The following ANKRD13A variants were observed in gnomAD, a reference collection of about 807,000 sequenced individuals.
The protein encoded by ANKRD13A is ankyrin repeat domain 13A.
A neutral mutation model predicts 81.3 loss-of-function variants in ANKRD13A; 48 were observed. That is an observed-to-expected ratio of 0.59 (90% CI 0.47 to 0.75). The LOEUF (loss-of-function observed/expected upper bound fraction) is 0.75. ANKRD13A is among the 30% of genes least tolerant of loss of function. The pLI is 0.00. For missense variants in ANKRD13A, 612 were observed against 734.0 expected, an observed-to-expected ratio of 0.83 and a Z score of 1.92; for synonymous variants, 230 against 270.1, an observed-to-expected ratio of 0.85 and a Z score of 1.45.
chr12:110,018,313 G>T lies in ANKRD13A; in HGVS notation c.401-32G>T. 6.2e-7 allele frequency: 1 copy of T among 1,602,798 alleles called. No individual in the cohort carries two copies. The highest frequency in any genetic ancestry group is 1.1e-5 in the South Asian group (1 of 89,948). ...CCTAGGTATTCTTCTTGGCCCTTGA[G>T]TTTTTCTCAGTAGTACACTTCTCTC... On this transcript the variant is annotated intron_variant, in intron 4 of 14. Coordinates refer to ENST00000261739, the MANE Select transcript of ANKRD13A (RefSeq NM_033121.2). This position sits in a 1 kb window ranked among gnomAD's most constrained non-coding sequence, Gnocchi z 4.4.
At chr12:110,033,353 C>T (rs558098812) in intron 12 of ANKRD13A, among the ~76,000 whole-genome samples, 3 of 152,052 alleles carry the variant, frequency 2.0e-5, no homozygotes, top group East Asian at 1.9e-4. Flanking sequence ...TGAGCCACCG[C>T]GCCCGGCAGT....
chr12:110,014,966 T>A (rs1016261804), intron 3 of ANKRD13A, among the ~76,000 whole-genome samples: 3 of 151,948 alleles, frequency 2.0e-5, no homozygotes, highest in African/African-American at 7.3e-5. Flanking sequence ...TTTTTTGTAT[T>A]TTTAGTAGAG....
chr12:110,011,904 AAT>A (rs1890543445), intron 1 of ANKRD13A, 99 bp from the exon 2 acceptor site: 4 of 1,229,214 alleles, frequency 3.3e-6, no homozygotes, highest in African/African-American at 1.5e-5. Context: ...TTAATGCATA[AAT>A]ATGTTTTCTA....
intron 6 of ANKRD13A, among the ~76,000 whole-genome samples, chr12:110,023,353 A>G (rs982216796): frequency 3.3e-5 from 5 of 152,186 alleles, no homozygotes; most frequent in South Asian, 2.1e-4. Context: ...CATATTACCA[A>G]TGCTGCATCT....
chr12:110,025,316 A>T (rs1345126299), intron 7 of ANKRD13A, among the ~76,000 whole-genome samples: 2 of 151,530 alleles, frequency 1.3e-5, no homozygotes, highest in African/African-American at 4.9e-5. Context: ...AGATCACGCC[A>T]CTGCACTCCA....
In ANKRD13A at chr12:110,036,286, G is replaced by C. The variant is rs1892041869; in HGVS notation, c.1535G>C (p.Gly512Ala). Residue 512 changes from glycine to alanine, a missense_variant, in exon 14 of 15, where the codon GGA becomes GCA. Gly to Ala is a moderately conservative substitution (Grantham distance 60). Coordinates refer to ENST00000261739, the MANE Select transcript of ANKRD13A (RefSeq NM_033121.2). The surrounding 1 kb of genome is among the most constrained non-coding windows in gnomAD (Gnocchi z 4.6). Reference sequence around the variant, plus strand: ...GAACTTTCAGGACCAGCTTCGAATGGAGGGATCAGCCAGACAAACACCTAT... The same window carrying C: ...GAACTTTCAGGACCAGCTTCGAATGCAGGGATCAGCCAGACAAACACCTAT... ...SQELSGPASN[G>A]GISQTNTYDA... The C allele has an allele frequency of 1.2e-6, 2 of 1,614,070 alleles. No homozygotes were observed. The highest frequency in any genetic ancestry group is 2.7e-5 in the African/African-American group (2 of 75,052).
At chr12:110,005,989 G>C (rs1387914192) in intron 1 of ANKRD13A, among the ~76,000 whole-genome samples, 3 of 152,064 alleles carry the variant, frequency 2.0e-5, no homozygotes, top group Non-Finnish European at 2.9e-5. Context: ...GCTAATTTTT[G>C]TATTTTTAGT....
rs1166988297 is a variant in ANKRD13A at position 110,018,574 on chromosome 12, A to G, written c.544+86A>G. The G allele has an allele frequency of 6.7e-7, 1 of 1,500,648 alleles. No homozygotes were observed. The highest frequency in any genetic ancestry group is 1.4e-5 in the African/African-American group (1 of 71,780). 93.0% of individuals were successfully genotyped at this position (1,500,648 alleles called of 1,614,324 possible). A position where few individuals can be genotyped will look rare whatever the true frequency, so the allele number is the denominator to read the frequency against. Reference sequence around the variant, plus strand: ...AAGAAAATGCTTTCACATTCATGTGACTTTTCTGTCTGATCCTTCCTAGGG... The same window carrying G: ...AAGAAAATGCTTTCACATTCATGTGGCTTTTCTGTCTGATCCTTCCTAGGG... On this transcript the variant is annotated intron_variant, in intron 5 of 14. Coordinates refer to ENST00000261739, the MANE Select transcript of ANKRD13A (RefSeq NM_033121.2). The surrounding 1 kb of genome is among the most constrained non-coding windows in gnomAD (Gnocchi z 4.4).
At chr12:110,023,197 G>A (rs1478451134) in intron 6 of ANKRD13A, among the ~76,000 whole-genome samples, 2 of 152,222 alleles carry the variant, frequency 1.3e-5, no homozygotes, top group Non-Finnish European at 2.9e-5. Flanking sequence ...TAGACAAAGG[G>A]TAGGGCTGGT....
chr12:110,036,201 C>A lies in ANKRD13A; in HGVS notation c.1510-60C>A. The A allele has an allele frequency of 6.7e-7, 1 of 1,493,508 alleles. No individual in the cohort carries two copies. Among genetic ancestry groups the A allele is most frequent in the African/African-American group, 1.4e-5 (1 of 72,236 alleles). The allele number at this position is 1,493,508 out of a possible 1,614,324, so 92.5% of individuals were successfully genotyped here. On this transcript the variant is annotated intron_variant, in intron 13 of 14. Transcript: ENST00000261739. The surrounding 1 kb of genome is among the most constrained non-coding windows in gnomAD (Gnocchi z 4.6). ...GGTTCTTGCTGCCATCGTTTCCTTACCAGAATGGCACCAATTTCTCCTAAG... is the reference window on the plus strand; with the variant it reads ...GGTTCTTGCTGCCATCGTTTCCTTAACAGAATGGCACCAATTTCTCCTAAG...
chr12:110,013,385 C>A, intron 3 of ANKRD13A, 136 bp downstream of exon 3: 1 of 1,090,164 alleles, frequency 9.2e-7, no homozygotes, highest in Non-Finnish European at 1.3e-6. Context: ...ATACCAATCA[C>A]ATTATTCCTT....
intron 10 of ANKRD13A, 111 bp from the exon 11 acceptor site, chr12:110,029,367 C>T: frequency 2.6e-6 from 3 of 1,163,344 alleles, no homozygotes; most frequent in Non-Finnish European, 3.7e-6. Context: ...TAAGAGATGA[C>T]TGGGCAGAGT....
chr12:110,037,280 C>T lies in ANKRD13A; in HGVS notation c.1578-79C>T, dbSNP rs532257405. ...CCTGGCACAGTGTGCCCTTGGTAAG[C>T]GGTTAAGAAATGTAGTTACTGCTGC... On this transcript the variant is annotated intron_variant, in intron 14 of 14. Coordinates refer to ENST00000261739, the MANE Select transcript of ANKRD13A (RefSeq NM_033121.2). 4.1e-5 allele frequency: 57 copies of T among 1,379,418 alleles called. 1 individual carries two copies. In the Middle Eastern group the frequency reaches 5.6e-4, roughly 14 times the overall value. The allele number at this position is 1,379,418 out of a possible 1,614,324, so 85.4% of individuals were successfully genotyped here. A position where few individuals can be genotyped will look rare whatever the true frequency, so the allele number is the denominator to read the frequency against.
In ANKRD13A at chr12:110,037,868, C is replaced by T. The variant is rs546503646; in HGVS notation, c.*314C>T. The T allele has an allele frequency of 3.4e-5, 7 of 205,334 alleles. No individual in the cohort carries two copies. Among genetic ancestry groups the T allele is most frequent in the African/African-American group, 4.6e-5 (2 of 43,404 alleles). 12.7% of individuals were successfully genotyped at this position (205,334 alleles called of 1,614,324 possible). On this transcript the variant is annotated 3_prime_UTR_variant, in exon 15 of 15. Coordinates refer to ENST00000261739, the MANE Select transcript of ANKRD13A (RefSeq NM_033121.2). ...CAGCTTTAGACAAAACCCCAATCCC[C>T]GCAGGTTTGTAGATAAATTTTTATC...
At chr12:110,017,112 G>A (rs903262706) in intron 4 of ANKRD13A, among the ~76,000 whole-genome samples, 1 of 152,060 alleles carries the variant, frequency 6.6e-6, no homozygotes. Context: ...GTTTCATTAT[G>A]TTGGCCAGGC....
rs145153429 is a variant in ANKRD13A, at chr12:110,019,149, G to A, written c.555G>A (p.Ala185=). The change falls in exon 6 of 15, where the codon GCG becomes GCA. Residue 185 remains alanine (A), a synonymous_variant. Coordinates refer to ENST00000261739, the MANE Select transcript of ANKRD13A (RefSeq NM_033121.2). ...TGTTTCCATTAATAGACAACTGGGCGGAGTTAATGGAAGTCAACCATGATG... is the reference window on the plus strand; with the variant it reads ...TGTTTCCATTAATAGACAACTGGGCAGAGTTAATGGAAGTCAACCATGATG... ...SFIFKGEDNW[A]ELMEVNHDDK... 2 of 1,594,758 alleles carry A rather than the reference G, an allele frequency of 1.3e-6. No homozygotes were observed. The highest frequency in any genetic ancestry group is 2.2e-5 in the East Asian group (1 of 44,522).
At chr12:110,033,645 T>C in intron 12 of ANKRD13A, 152 bp from the exon 13 acceptor site, 1 of 672,214 alleles carries the variant, frequency 1.5e-6, no homozygotes, top group Admixed American at 3.3e-5. Context: ...CACTTTTTTC[T>C]GTCATGCTTC....
chr12:110,008,341 TAA>T (rs1224846118), intron 1 of ANKRD13A, among the ~76,000 whole-genome samples: 1 of 152,242 alleles, frequency 6.6e-6, no homozygotes, highest in East Asian at 1.9e-4. Context: ...ATTTGTAGGA[TAA>T]GTCTCAGTTG....
chr12:110,017,698 C>A (rs1008182812), intron 4 of ANKRD13A, among the ~76,000 whole-genome samples: 6 of 152,154 alleles, frequency 3.9e-5, no homozygotes. Context: ...CTTTTGGAGG[C>A]TGAGGTGGGA....
Sources: allele counts gnomAD v4.1 joint callset (sites outside exome capture counted in the v4.1 genomes callset), GRCh38; gene constraint gnomAD v4.1.1; non-coding constraint Gnocchi (gnomAD v3.1); transcripts MANE v1.5; gene names NCBI Gene and HGNC (gene_info 2026-07-23, HGNC 2026-07-21).